The following SLCO2A1 variants were observed in gnomAD, a reference collection of about 807,000 sequenced individuals.
The protein encoded by SLCO2A1 is solute carrier organic anion transporter family member 2A1, also known as matrin F/G 1.
A neutral mutation model predicts 71.7 loss-of-function variants in SLCO2A1; 60 were observed. The observed-to-expected ratio is 0.84, with a 90% CI of 0.68 to 1.04. The LOEUF (loss-of-function observed/expected upper bound fraction) is 1.04, where lower values mean the gene tolerates loss of function less well. Among genes scored for constraint, SLCO2A1 ranks in the 50% least tolerant of loss-of-function variants. SLCO2A1 has a pLI of 0.00. For synonymous variants in SLCO2A1, 308 were observed against 326.7 expected (o/e 0.94, Z 0.62); for missense variants, 745 against 813.4 (o/e 0.92, Z 1.02).
Position 133,947,440 on chromosome 3 carries a change from C to T in SLCO2A1, c.1111G>A (p.Val371Met), listed in dbSNP as rs201540791. 6.2e-7 allele frequency: 1 copy of T among 1,612,240 alleles called. No individual in the cohort carries two copies. The highest frequency in any genetic ancestry group is 1.1e-5 in the South Asian group (1 of 90,668). The change falls in exon 9 of 14, where the codon GTG (valine) becomes ATG (methionine). Residue 371 changes from valine to methionine, a missense_variant. Val to Met is a conservative substitution (Grantham distance 21). Coordinates refer to ENST00000310926, the MANE Select transcript of SLCO2A1 (RefSeq NM_005630.3). ...AAYANFLIGA[V>M]NLPAAALGML... is the part of the protein sequence containing the mutation. ...CCCAAGGCTGCAGCAGGGAGGTTCA[C>T]AGCACCTATAAGTGGAAAGAAGGAG...
chr3:133,966,155 A>G (rs936362556), intron 3 of SLCO2A1, among the ~76,000 whole-genome samples: 6 of 152,198 alleles, frequency 3.9e-5, no homozygotes, highest in Non-Finnish European at 5.9e-5. Context: ...GCCTGTATCT[A>G]TCAATAAGTT....
intron 3 of SLCO2A1, among the ~76,000 whole-genome samples, chr3:133,968,187 C>T (rs1934233278): frequency 6.7e-6 from 1 of 150,178 alleles, no homozygotes; most frequent in Non-Finnish European, 1.5e-5. Context: ...CCCCCCACAT[C>T]TCCACATACA....
rs768320816 is a variant in SLCO2A1 at position 133,948,987 on chromosome 3, G to C, written c.862-16C>G. On this transcript the variant is annotated splice_polypyrimidine_tract_variant and intron_variant, in intron 6 of 13. Transcript: ENST00000310926. ...CAGGAGCCCTCTGAAGGCAATAAAA[G>C]GGGTGAGTGTTCACGGCCCAGGCTC... 1.9e-6 allele frequency: 3 copies of C among 1,610,480 alleles called. No homozygotes were observed. Among genetic ancestry groups the C allele is most frequent in the Non-Finnish European group, 8.5e-7 (1 of 1,176,820 alleles).
intron 1 of SLCO2A1, among the ~76,000 whole-genome samples, chr3:134,008,561 C>A (rs530370623): frequency 1.3e-5 from 2 of 152,154 alleles, no homozygotes; most frequent in African/African-American, 4.8e-5. Flanking sequence ...GGCAGAAAAC[C>A]CCAGGCTCAG....
At chr3:134,007,568 T>C (rs544316332) in intron 1 of SLCO2A1, among the ~76,000 whole-genome samples, 1 of 152,348 alleles carries the variant, frequency 6.6e-6, no homozygotes, top group Admixed American at 6.5e-5. Context: ...GATATAGCCT[T>C]GGGGTTTTAG....
At chr3:134,006,959 A>G (rs1935229379) in intron 1 of SLCO2A1, among the ~76,000 whole-genome samples, 2 of 152,136 alleles carry the variant, frequency 1.3e-5, no homozygotes, top group Admixed American at 6.5e-5. Flanking sequence ...AAGGGTTCCA[A>G]TTTCTCTCCA....
chr3:133,991,680 G>C (rs893812043), intron 1 of SLCO2A1, among the ~76,000 whole-genome samples: 1 of 152,194 alleles, frequency 6.6e-6, no homozygotes, highest in African/African-American at 2.4e-5. Context: ...TGTTCCTTAA[G>C]AGGGGAGTGG....
At chr3:133,954,366 T>G (rs1463446264) in intron 4 of SLCO2A1, among the ~76,000 whole-genome samples, 1 of 152,110 alleles carries the variant, frequency 6.6e-6, no homozygotes, top group African/African-American at 2.4e-5. Context: ...TTCTCCATGT[T>G]GATCAGGCTG....
At chr3:134,026,791 C>A (rs1017388705) in intron 1 of SLCO2A1, among the ~76,000 whole-genome samples, 2 of 152,160 alleles carry the variant, frequency 1.3e-5, no homozygotes, top group African/African-American at 4.8e-5. Flanking sequence ...GGAAATTTAA[C>A]CTTTCTAATT....
intron 1 of SLCO2A1, among the ~76,000 whole-genome samples, chr3:134,023,387 T>G (rs1559961993): frequency 6.6e-6 from 1 of 152,228 alleles, no homozygotes; most frequent in Non-Finnish European, 1.5e-5. Context: ...TGCTATACCC[T>G]GTGAGGACTT....
chr3:134,020,154 T>C (rs528942876), intron 1 of SLCO2A1, among the ~76,000 whole-genome samples: 1 of 152,106 alleles, frequency 6.6e-6, no homozygotes, highest in African/African-American at 2.4e-5. Context: ...GCTTGCTCAA[T>C]GGATCATGAC....
At chr3:134,012,199 T>C (rs957964332) in intron 1 of SLCO2A1, among the ~76,000 whole-genome samples, 10 of 152,180 alleles carry the variant, frequency 6.6e-5, no homozygotes, top group Admixed American at 5.2e-4. Context: ...GACTACCTGG[T>C]TTTCTATTTC....
chr3:133,995,669 AC>A (rs1934949314), intron 1 of SLCO2A1, among the ~76,000 whole-genome samples: 1 of 152,174 alleles, frequency 6.6e-6, no homozygotes, highest in African/African-American at 2.4e-5. Context: ...CAATTCTGTC[AC>A]CCAGGACACA....
intron 1 of SLCO2A1, among the ~76,000 whole-genome samples, chr3:134,008,848 C>G (rs992479138): frequency 2.0e-5 from 3 of 152,214 alleles, no homozygotes; most frequent in Admixed American, 6.5e-5. Flanking sequence ...TTTAAGACTT[C>G]AAGTATTGTT....
chr3:133,969,296 G>T (rs555552463), intron 3 of SLCO2A1, among the ~76,000 whole-genome samples: 2 of 152,200 alleles, frequency 1.3e-5, no homozygotes, highest in African/African-American at 4.8e-5. Flanking sequence ...TGGGCCTGGT[G>T]GTGGGCACCT....
intron 2 of SLCO2A1, among the ~76,000 whole-genome samples, chr3:133,977,212 A>C (rs557636739): frequency 3.2e-4 from 49 of 152,220 alleles, no homozygotes; most frequent in Admixed American, 3.2e-3. Flanking sequence ...GGAGTGAACT[A>C]TCTGATGATA....
At chr3:133,983,125 T>C (rs922323458) in intron 1 of SLCO2A1, among the ~76,000 whole-genome samples, 1 of 152,180 alleles carries the variant, frequency 6.6e-6, no homozygotes, top group Non-Finnish European at 1.5e-5. Context: ...TCCTTGCTTC[T>C]AATGAAGAGA....
intron 3 of SLCO2A1, among the ~76,000 whole-genome samples, chr3:133,966,475 C>T (rs957688884): frequency 7.2e-5 from 11 of 152,182 alleles, no homozygotes; most frequent in Non-Finnish European, 1.3e-4. Flanking sequence ...CACCTCTCCG[C>T]ACTGCAGCCC....
chr3:134,004,674 A>T (rs1935172121), intron 1 of SLCO2A1, among the ~76,000 whole-genome samples: 2 of 152,208 alleles, frequency 1.3e-5, no homozygotes, highest in Admixed American at 1.3e-4. Context: ...TCCAAAACAA[A>T]AAAAGGTGAA....
Sources: allele counts gnomAD v4.1 joint callset (sites outside exome capture counted in the v4.1 genomes callset), GRCh38; gene constraint gnomAD v4.1.1; transcripts MANE v1.5; gene names NCBI Gene and HGNC (gene_info 2026-07-23, HGNC 2026-07-21).